The following SYT13 variants were observed in gnomAD, a reference collection of about 807,000 sequenced individuals.
The protein encoded by SYT13 is synaptotagmin 13, also known as synaptotagmin-13.
SYT13 carries 21 observed loss-of-function variants against 38.6 expected under a neutral mutation model. The observed-to-expected ratio is 0.54, with a 90% CI of 0.39 to 0.78. SYT13 has a LOEUF of 0.78. SYT13 is among the 30% of genes least tolerant of loss of function. The probability of loss-of-function intolerance (pLI) is 0.00; values close to 1 mark genes in which losing one functional copy is unlikely to be tolerated. For missense variants in SYT13, 495 were observed against 548.7 expected (o/e 0.90, Z 0.98); for synonymous variants, 241 against 237.6 (o/e 1.01, Z -0.13).
chr11:45,270,491 T>C (rs7943596), intron 1 of SYT13, among the ~76,000 whole-genome samples: 43,988 of 152,102 alleles, frequency 0.29, 6,571 homozygotes, highest in South Asian at 0.4. Flanking sequence ...AACCATTAAC[T>C]AGGCCAACTG....
chr11:45,283,963 G>A (rs1176905462), intron 1 of SYT13, among the ~76,000 whole-genome samples: 2 of 152,240 alleles, frequency 1.3e-5, no homozygotes, highest in Admixed American at 1.3e-4. Context: ...GAAACAATAT[G>A]GGAGAGAATA....
intron 1 of SYT13, among the ~76,000 whole-genome samples, chr11:45,268,992 T>C (rs1854917369): frequency 6.6e-6 from 1 of 152,048 alleles, no homozygotes. Flanking sequence ...ATAACTATGA[T>C]GGAGAACAGT....
intron 4 of SYT13, among the ~76,000 whole-genome samples, chr11:45,251,728 T>C (rs529244810): frequency 6.6e-6 from 1 of 152,294 alleles, no homozygotes; most frequent in African/African-American, 2.4e-5. Context: ...GTCCCCTCTC[T>C]TGAGGGCTGT....
rs190632158 is a variant in SYT13 at position 45,276,924 on chromosome 11, A to G, written c.183+9101T>C. ...AGGTATATACTTGAAAGAATTGAAA[A>G]CAGTTACTCAAATATTTCTACAGGA... On this transcript the variant is annotated intron_variant, in intron 1 of 5. Coordinates refer to ENST00000020926, the MANE Select transcript of SYT13 (RefSeq NM_020826.3). Among the ~76,000 whole-genome samples, 3 of 152,244 alleles carry G rather than the reference A, an allele frequency of 2.0e-5. No individual in the cohort carries two copies. The East Asian group carries it at 5.8e-4, about 29-fold the overall frequency.
rs1237736874 is a variant in SYT13, at chr11:45,240,919, A to G, written c.*3133T>C. The G allele has an allele frequency of 6.6e-6, 1 of 152,252 alleles. No homozygotes were observed. The highest frequency in any genetic ancestry group is 1.5e-5 in the Non-Finnish European group (1 of 68,040). The allele number at this position is 152,252 out of a possible 1,614,324, so 9.4% of individuals were successfully genotyped here. ...GATACTTCACACAGGCTCAGTTACT[A>G]TAATTTGATAGTAAATTGGAAATGT... On this transcript the variant is annotated 3_prime_UTR_variant, in exon 6 of 6. Coordinates refer to ENST00000020926, the MANE Select transcript of SYT13 (RefSeq NM_020826.3).
Position 45,254,336 on chromosome 11 carries a change from G to C in SYT13, c.478C>G (p.Pro160Ala), listed in dbSNP as rs917324727. The change falls in exon 3 of 6, where the codon CCC becomes GCC. Residue 160 changes from proline (P) to alanine (A), a missense_variant. Coordinates refer to ENST00000020926, the MANE Select transcript of SYT13 (RefSeq NM_020826.3). ...PEKAASWNQA[P>A]KLHYCLDYDC... ...TAGTCCAGGCAGTAGTGGAGTTTGG[G>C]GGCCTGGTTCCAACTGGCAGCCTTC... The C allele has an allele frequency of 1.9e-6, 3 of 1,613,624 alleles. No individual in the cohort carries two copies. The African/African-American group carries it at 4.0e-5, about 22-fold the overall frequency.
chr11:45,279,726 T>G (rs1471917496), intron 1 of SYT13, among the ~76,000 whole-genome samples: 1 of 152,216 alleles, frequency 6.6e-6, no homozygotes, highest in Non-Finnish European at 1.5e-5. Context: ...TTTATATGAA[T>G]GGGTGAGTTC....
At chr11:45,263,333 G>A (rs148898622) in intron 1 of SYT13, among the ~76,000 whole-genome samples, 47 of 152,256 alleles carry the variant, frequency 3.1e-4, no homozygotes, top group Middle Eastern at 3.4e-3. Context: ...GTAAACAAAC[G>A]TTTAACCTTA....
chr11:45,279,002 G>A (rs573378786), intron 1 of SYT13, among the ~76,000 whole-genome samples: 9 of 152,370 alleles, frequency 5.9e-5, no homozygotes, highest in African/African-American at 1.9e-4. Context: ...GCAATCGAAA[G>A]CATTGGGAAA....
At chr11:45,272,813 T>C (rs1854966709) in intron 1 of SYT13, among the ~76,000 whole-genome samples, 1 of 152,160 alleles carries the variant, frequency 6.6e-6, no homozygotes, top group Admixed American at 6.5e-5. Flanking sequence ...GGCAAGCAGA[T>C]ATTAAAGGCT....
At chr11:45,253,951 T>C in intron 3 of SYT13, 1 of 201,988 alleles carries the variant, frequency 5.0e-6, no homozygotes, top group Non-Finnish European at 9.8e-6. Context: ...CTTCTCTTTC[T>C]CCTTCCATCT....
At chr11:45,253,941 C>T (rs746250243) in intron 3 of SYT13, 1 of 189,612 alleles carries the variant, frequency 5.3e-6, no homozygotes, top group Non-Finnish European at 1.1e-5. Flanking sequence ...ACGCCCTCTC[C>T]TTCTCTTTCT....
At chr11:45,280,919 G>T (rs1168950960) in intron 1 of SYT13, among the ~76,000 whole-genome samples, 1 of 152,254 alleles carries the variant, frequency 6.6e-6, no homozygotes, top group Non-Finnish European at 1.5e-5. Flanking sequence ...TTCAGGCCAT[G>T]AGGGCTGGCT....
intron 1 of SYT13, among the ~76,000 whole-genome samples, chr11:45,262,742 C>T (rs1424718317): frequency 2.4e-5 from 3 of 126,248 alleles, no homozygotes; most frequent in African/African-American, 8.8e-5. Context: ...CACACACACA[C>T]ACACACACAC....
chr11:45,256,814 G>A (rs1298170410), intron 1 of SYT13, among the ~76,000 whole-genome samples: 2 of 152,124 alleles, frequency 1.3e-5, no homozygotes, highest in East Asian at 1.9e-4. Context: ...AGTCCCCATC[G>A]GAAATATTTA....
Position 45,244,321 on chromosome 11 carries a change from G to C in SYT13, c.1012C>G (p.Arg338Gly). 1 of 1,613,836 alleles carries C rather than the reference G, an allele frequency of 6.2e-7. No homozygotes were observed. Among genetic ancestry groups the C allele is most frequent in the Non-Finnish European group, 8.5e-7 (1 of 1,179,938 alleles). The change falls in exon 6 of 6, where the codon CGG (arginine) becomes GGG (glycine). Residue 338 changes from arginine to glycine, a missense_variant. By Grantham distance (125) the Arg-to-Gly change is moderately radical (BLOSUM62 -2). Transcript: ENST00000020926. ...TTAGTCTGCTTCTTCTTCAGCTTCC[G>C]AGCCTGGTGCTTCAAGGTCACCTTG... is the stretch of plus-strand genomic sequence containing the variant. ...SVKVTLKHQA[R>G]KLKKKQTKRA... is the part of the protein sequence containing the mutation.
chr11:45,285,846 C>T, intron 1 of SYT13, 179 bp downstream of exon 1: 1 of 722,378 alleles, frequency 1.4e-6, no homozygotes, highest in Non-Finnish European at 2.5e-6. Flanking sequence ...ATCCCCTAGC[C>T]TCCCCCATCC....
chr11:45,270,644 T>C (rs529030187), intron 1 of SYT13, among the ~76,000 whole-genome samples: 2 of 152,364 alleles, frequency 1.3e-5, no homozygotes, highest in South Asian at 4.1e-4. Context: ...TGATAAGCTT[T>C]TCTTCATGGA....
chr11:45,285,347 G>A (rs998022434), intron 1 of SYT13, among the ~76,000 whole-genome samples: 2 of 152,186 alleles, frequency 1.3e-5, no homozygotes, highest in African/African-American at 4.8e-5. Flanking sequence ...CTCCAGGGAC[G>A]TCTGCAGAGA....
Sources: gnomAD v4.1 joint callset for allele counts (sites outside exome capture counted in the v4.1 genomes callset) on GRCh38, gnomAD v4.1.1 for gene constraint, MANE v1.5 for transcripts, NCBI Gene and HGNC (gene_info 2026-07-23, HGNC 2026-07-21) for gene names.